The following ZBTB20 variants were observed in gnomAD, a reference collection of about 807,000 sequenced individuals.
The protein encoded by ZBTB20 is zinc finger and BTB domain containing 20.
Under a neutral mutation model 56.9 loss-of-function variants are expected in ZBTB20, and 9 were observed. That is an observed-to-expected ratio of 0.16 (90% CI 0.10 to 0.28). The LOEUF is 0.28. Among genes scored for constraint, ZBTB20 ranks in the 10% least tolerant of loss-of-function variants. The pLI, the probability that ZBTB20 is intolerant of heterozygous loss-of-function variation, is 1.00. For synonymous variants in ZBTB20, 417 were observed against 420.7 expected, an observed-to-expected ratio of 0.99 and a Z score of 0.11; for missense variants, 655 against 1,003.0, an observed-to-expected ratio of 0.65 and a Z score of 4.69.
chr3:114,757,720 T>C (rs1471459263), intron 5 of ZBTB20, among the ~76,000 whole-genome samples: 2 of 152,130 alleles, frequency 1.3e-5, no homozygotes, highest in Admixed American at 6.6e-5. Context: ...ACAAATTACA[T>C]TTTTTAATAA....
chr3:114,482,928 A>C (rs2041714952), intron 7 of ZBTB20, among the ~76,000 whole-genome samples: 2 of 152,132 alleles, frequency 1.3e-5, no homozygotes, highest in African/African-American at 4.8e-5. Context: ...ATTTATTGAG[A>C]GCTTACTGTA....
intron 4 of ZBTB20, among the ~76,000 whole-genome samples, chr3:114,810,482 T>C (rs1163246881): frequency 1.3e-5 from 2 of 152,150 alleles, no homozygotes; most frequent in Non-Finnish European, 2.9e-5. Context: ...AGCAGTGAAG[T>C]TGTGGGTTTT....
intron 6 of ZBTB20, among the ~76,000 whole-genome samples, chr3:114,664,210 C>T (rs1281192106): frequency 6.6e-6 from 1 of 151,986 alleles, no homozygotes; most frequent in African/African-American, 2.4e-5. Context: ...GATTTTGAAC[C>T]ACTGTCAAGT....
At position 114,319,446 on chromosome 3, in the gene ZBTB20, C is replaced by T. The variant is rs910611655; in HGVS notation, c.*19559G>A. 6.6e-6 allele frequency: 1 copy of T among 152,124 alleles called. No homozygotes were observed. The highest frequency in any genetic ancestry group is 2.4e-5 in the African/African-American group (1 of 41,426). 9.4% of individuals were successfully genotyped at this position (152,124 alleles called of 1,614,324 possible). On this transcript the variant is annotated 3_prime_UTR_variant, in exon 12 of 12. Transcript: ENST00000675478. ...TGTGAAGTTACAGCCACTCCCACCC[C>T]TGCTCTAAAACAAAACAAAACCAGA...
intron 1 of ZBTB20, among the ~76,000 whole-genome samples, chr3:115,120,222 A>G (rs1288727822): frequency 1.3e-5 from 2 of 152,160 alleles, no homozygotes; most frequent in African/African-American, 4.8e-5. Context: ...ATTGTAACAA[A>G]TGTACCGCTA....
At chr3:114,518,404 T>C (rs1419319088) in intron 6 of ZBTB20, 1 of 152,188 alleles carries the variant, frequency 6.6e-6, no homozygotes, top group Admixed American at 6.5e-5. Flanking sequence ...CTAAAACATA[T>C]GAACTAATCA....
chr3:114,409,125 CTTTT>C (rs56339103), intron 7 of ZBTB20, among the ~76,000 whole-genome samples: 5 of 71,988 alleles, frequency 6.9e-5, no homozygotes, highest in African/African-American at 3.0e-4. Context: ...AAAGGGAAGA[CTTTT>C]TTTTTTTTTT....
chr3:114,568,271 T>TC (rs1446220136), intron 6 of ZBTB20, among the ~76,000 whole-genome samples: 2 of 151,864 alleles, frequency 1.3e-5, no homozygotes, highest in Admixed American at 6.6e-5. Flanking sequence ...ACTGTCCCTC[T>TC]CCCCCCACGA....
chr3:114,440,910 C>G (rs1432466849), intron 7 of ZBTB20, among the ~76,000 whole-genome samples: 1 of 152,216 alleles, frequency 6.6e-6, no homozygotes, highest in Non-Finnish European at 1.5e-5. Context: ...TACATTAGGG[C>G]TGTCCTCTCT....
rs546210137 is a variant in ZBTB20, at chr3:115,031,101, TG to T, written c.-507+40117del. Reference sequence around the variant, plus strand: ...ATCATCATCCAGAATGATGAAGAGATGTATAGATTATTAAGAAAATATTTGC... The same window carrying T: ...ATCATCATCCAGAATGATGAAGAGATTATAGATTATTAAGAAAATATTTGC... On this transcript the variant is annotated intron_variant, in intron 2 of 11. Transcript: ENST00000675478. Among the ~76,000 whole-genome samples, 4 of 151,536 alleles carry T rather than the reference TG, an allele frequency of 2.6e-5. No individual in the cohort carries two copies. The South Asian group carries it at 8.3e-4, about 31-fold the overall frequency.
intron 6 of ZBTB20, among the ~76,000 whole-genome samples, chr3:114,622,320 A>T (rs2058376715): frequency 6.6e-6 from 1 of 152,184 alleles, no homozygotes; most frequent in Non-Finnish European, 1.5e-5. Flanking sequence ...TTCTTTAGAA[A>T]ACAAGATAAC....
chr3:114,877,778 CT>C lies in ZBTB20; in HGVS notation c.-417+22525del, dbSNP rs906964870. Among the ~76,000 whole-genome samples, 19 of 151,934 alleles carry C rather than the reference CT, an allele frequency of 1.3e-4. 1 individual carries two copies. Among genetic ancestry groups the C allele is most frequent in the African/African-American group, 4.4e-4 (18 of 41,360 alleles). ...CATTTTCTTTTACACAATACACCTG[CT>C]TTTTTTTCTAAACTAAATATTTCTT... On this transcript the variant is annotated intron_variant, in intron 4 of 11. Transcript: ENST00000675478.
At chr3:115,072,405 T>A (rs968993148) in intron 1 of ZBTB20, among the ~76,000 whole-genome samples, 2 of 152,168 alleles carry the variant, frequency 1.3e-5, no homozygotes, top group Admixed American at 6.5e-5. Context: ...GGAATACTCA[T>A]TGCATGGCAT....
At chr3:114,802,509 A>G (rs2071789484) in intron 4 of ZBTB20, among the ~76,000 whole-genome samples, 2 of 151,864 alleles carry the variant, frequency 1.3e-5, no homozygotes, top group South Asian at 4.1e-4. Context: ...TTGACTAACT[A>G]AACTTTTCCC....
At chr3:114,483,077 A>G (rs938622157) in intron 7 of ZBTB20, among the ~76,000 whole-genome samples, 1 of 152,174 alleles carries the variant, frequency 6.6e-6, no homozygotes, top group Non-Finnish European at 1.5e-5. Context: ...AATAATTCCT[A>G]TGTAGCAGTG....
chr3:114,334,499 G>A lies in ZBTB20; in HGVS notation c.*4506C>T, dbSNP rs1297284851. ...GAAGTACACATAGCTCAAGGCTTTA[G>A]GACTGAATGTGAAACAAACATACCT... On this transcript the variant is annotated 3_prime_UTR_variant, in exon 12 of 12. Coordinates refer to ENST00000675478, the MANE Select transcript of ZBTB20 (RefSeq NM_001348800.3). The A allele has an allele frequency of 6.6e-6, 1 of 152,172 alleles. No homozygotes were observed. The highest frequency in any genetic ancestry group is 1.5e-5 in the Non-Finnish European group (1 of 68,046). The allele number at this position is 152,172 out of a possible 1,614,324, so 9.4% of individuals were successfully genotyped here. A position where few individuals can be genotyped will look rare whatever the true frequency, so the allele number is the denominator to read the frequency against.
At chr3:114,560,448 T>A (rs780952042) in intron 6 of ZBTB20, among the ~76,000 whole-genome samples, 16 of 152,134 alleles carry the variant, frequency 1.1e-4, no homozygotes, top group Admixed American at 3.3e-4. Context: ...GAATTAGGTA[T>A]TATTATTATC....
At chr3:114,440,396 A>G (rs2108955429) in intron 7 of ZBTB20, among the ~76,000 whole-genome samples, 1 of 152,242 alleles carries the variant, frequency 6.6e-6, no homozygotes, top group South Asian at 2.1e-4. Flanking sequence ...CCACTATGGA[A>G]TTGGGTATCC....
At chr3:114,748,292 T>TTCTC (rs1375994784) in intron 5 of ZBTB20, among the ~76,000 whole-genome samples, 1 of 123,108 alleles carries the variant, frequency 8.1e-6, no homozygotes, top group Non-Finnish European at 1.7e-5. Flanking sequence ...CTTTCTTTCT[T>TTCTC]TCTTTCTTTC....
Sources: allele counts gnomAD v4.1 joint callset (sites outside exome capture counted in the v4.1 genomes callset), GRCh38; gene constraint gnomAD v4.1.1; transcripts MANE v1.5; gene names NCBI Gene and HGNC (gene_info 2026-07-23, HGNC 2026-07-21).